The following DCC variants were observed in gnomAD, a reference collection of about 807,000 sequenced individuals.
The protein encoded by DCC is DCC netrin 1 receptor, also known as netrin receptor DCC.
A neutral mutation model predicts 172.5 loss-of-function variants in DCC; 58 were observed. The ratio of observed to expected loss-of-function variants is 0.34; its 90% CI spans 0.27 to 0.42. DCC has a LOEUF of 0.42. Among genes scored for constraint, DCC ranks in the 10% least tolerant of loss-of-function variants. The pLI is 1.00. For synonymous variants in DCC, 709 were observed against 644.5 expected (o/e 1.10, Z -1.52); for missense variants, 1,740 against 1,791.0 (o/e 0.97, Z 0.51).
intron 1 of DCC, among the ~76,000 whole-genome samples, chr18:52,347,326 A>G (rs910129248): frequency 1.3e-5 from 2 of 152,106 alleles, no homozygotes; most frequent in African/African-American, 2.4e-5. Flanking sequence ...ATATTTCTCC[A>G]CTCACTTAGC....
intron 1 of DCC, among the ~76,000 whole-genome samples, chr18:52,534,963 A>C (rs1020210959): frequency 1.1e-4 from 16 of 152,194 alleles, no homozygotes; most frequent in Non-Finnish European, 1.9e-4. Context: ...ACAATATATC[A>C]TTAAGTCACT....
chr18:52,433,659 A>T (rs1987697405), intron 1 of DCC, among the ~76,000 whole-genome samples: 1 of 152,218 alleles, frequency 6.6e-6, no homozygotes, highest in Admixed American at 6.5e-5. Context: ...AGTTATAAAG[A>T]TATTGTAGTA....
intron 1 of DCC, among the ~76,000 whole-genome samples, chr18:52,367,341 A>AG (rs1984924270): frequency 6.6e-6 from 1 of 152,182 alleles, no homozygotes; most frequent in African/African-American, 2.4e-5. Flanking sequence ...CAGCCCAGAA[A>AG]GGGGCTCCTA....
At chr18:53,136,379 T>C (rs574343416) in intron 7 of DCC, among the ~76,000 whole-genome samples, 1 of 152,258 alleles carries the variant, frequency 6.6e-6, no homozygotes, top group Non-Finnish European at 1.5e-5. Flanking sequence ...ATGGCCATGC[T>C]AACAATTTTG....
chr18:53,319,887 C>A (rs1361393821), intron 13 of DCC, among the ~76,000 whole-genome samples: 1 of 152,072 alleles, frequency 6.6e-6, no homozygotes, highest in Non-Finnish European at 1.5e-5. Flanking sequence ...CGACAAAATA[C>A]CTTCACAGTA....
chr18:52,898,105 A>T (rs936245137), intron 2 of DCC, among the ~76,000 whole-genome samples: 1 of 152,242 alleles, frequency 6.6e-6, no homozygotes, highest in Non-Finnish European at 1.5e-5. Flanking sequence ...TTTGGAGCAA[A>T]CAAAGCATTT....
chr18:53,167,367 T>C (rs1222488038), intron 8 of DCC, among the ~76,000 whole-genome samples: 1 of 152,202 alleles, frequency 6.6e-6, no homozygotes, highest in Non-Finnish European at 1.5e-5. Context: ...CAGGAGATTT[T>C]CTATTTTTTA....
At chr18:52,619,615 A>G (rs1245240036) in intron 1 of DCC, among the ~76,000 whole-genome samples, 2 of 152,206 alleles carry the variant, frequency 1.3e-5, no homozygotes, top group Non-Finnish European at 2.9e-5. Flanking sequence ...TATTTTACCA[A>G]TATTAGGCTA....
At chr18:53,017,825 A>C (rs966307924) in intron 5 of DCC, among the ~76,000 whole-genome samples, 1 of 152,168 alleles carries the variant, frequency 6.6e-6, no homozygotes, top group African/African-American at 2.4e-5. Flanking sequence ...TTTTATACAT[A>C]CTACTGCAGG....
intron 1 of DCC, among the ~76,000 whole-genome samples, chr18:52,391,999 G>A (rs1324040084): frequency 6.6e-6 from 1 of 152,160 alleles, no homozygotes; most frequent in African/African-American, 2.4e-5. Flanking sequence ...AACTATTCGA[G>A]TCCACAAATT....
At chr18:52,606,731 G>C (rs947690422) in intron 1 of DCC, among the ~76,000 whole-genome samples, 1 of 152,130 alleles carries the variant, frequency 6.6e-6, no homozygotes, top group African/African-American at 2.4e-5. Flanking sequence ...CTTTATATCA[G>C]AATTGCTTTT....
chr18:52,719,887 A>T (rs1009678547), intron 1 of DCC, among the ~76,000 whole-genome samples: 3 of 152,114 alleles, frequency 2.0e-5, no homozygotes, highest in African/African-American at 7.2e-5. Flanking sequence ...AGGGCATGGG[A>T]TAAGGAGTGG....
At chr18:52,880,169 T>C (rs2039463088) in intron 2 of DCC, among the ~76,000 whole-genome samples, 1 of 152,016 alleles carries the variant, frequency 6.6e-6, no homozygotes, top group Non-Finnish European at 1.5e-5. Flanking sequence ...TTTCACTCTG[T>C]CACCCAGGCT....
At chr18:52,600,784 G>T (rs1047566962) in intron 1 of DCC, among the ~76,000 whole-genome samples, 1 of 151,948 alleles carries the variant, frequency 6.6e-6, no homozygotes, top group Non-Finnish European at 1.5e-5. Context: ...TTGACATTTA[G>T]AAAATTACAA....
At chr18:53,047,237 T>G (rs11872488) in intron 5 of DCC, among the ~76,000 whole-genome samples, 38,678 of 61,034 alleles carry the variant, frequency 0.63, 9,214 homozygotes, top group Non-Finnish European at 0.65. Flanking sequence ...GCAGGTAGGA[T>G]ATATATATAT....
chr18:53,347,362 G>T (rs927829252), intron 15 of DCC, among the ~76,000 whole-genome samples: 1 of 152,122 alleles, frequency 6.6e-6, no homozygotes, highest in Non-Finnish European at 1.5e-5. Flanking sequence ...TGGGGGGATT[G>T]TTTTGTATCT....
intron 1 of DCC, among the ~76,000 whole-genome samples, chr18:52,715,781 C>T (rs1416448203): frequency 6.6e-6 from 1 of 152,156 alleles, no homozygotes; most frequent in African/African-American, 2.4e-5. Context: ...CTACCATCCT[C>T]TTCCCACCCC....
intron 23 of DCC, among the ~76,000 whole-genome samples, chr18:53,452,455 A>T (rs2045425973): frequency 6.6e-6 from 1 of 151,870 alleles, no homozygotes; most frequent in Non-Finnish European, 1.5e-5. Context: ...GGATTCCTGG[A>T]TATATTTTGT....
At chr18:52,830,243 ACACAAACT>A (rs1424464576) in intron 2 of DCC, among the ~76,000 whole-genome samples, 6 of 152,194 alleles carry the variant, frequency 3.9e-5, no homozygotes, top group Admixed American at 2.0e-4. Flanking sequence ...ATGTGGTCCA[ACACAAACT>A]CACAAACTTT....
Sources: gnomAD v4.1 joint callset for allele counts (sites outside exome capture counted in the v4.1 genomes callset) on GRCh38, gnomAD v4.1.1 for gene constraint, MANE v1.5 for transcripts, NCBI Gene and HGNC (gene_info 2026-07-23, HGNC 2026-07-21) for gene names.